The following RBPJ variants were observed in gnomAD, a reference collection of about 807,000 sequenced individuals.
RBPJ encodes the protein recombination signal binding protein for immunoglobulin kappa J region, also known as recombining binding protein suppressor of hairless.
Under a neutral mutation model 67.8 loss-of-function variants are expected in RBPJ, and 9 were observed. That is an observed-to-expected ratio of 0.13 (90% CI 0.08 to 0.23). The LOEUF (loss-of-function observed/expected upper bound fraction) is 0.23, where lower values mean the gene tolerates loss of function less well. Ranked by LOEUF, RBPJ falls within the 10% of genes least tolerant of loss-of-function variation. The pLI is 1.00. For missense variants in RBPJ, 305 were observed against 595.6 expected (o/e 0.51, Z 5.08); for synonymous variants, 198 against 203.3 (o/e 0.97, Z 0.22).
chr4:26,373,831 T>C lies in RBPJ; in HGVS notation c.21-12522T>C, dbSNP rs578092444. Among the ~76,000 whole-genome samples the C allele has an allele frequency of 4.6e-5, 7 of 152,216 alleles. No individual in the cohort carries two copies. The South Asian group carries it at 1.0e-3, about 23-fold the overall frequency. ...ATGTGCACACACAAGTGTCTTTATG[T>C]GTGTATGTATGTAGTCAAGGTGTGG... On this transcript the variant is annotated intron_variant, in intron 1 of 10. Transcript: ENST00000355476.
At chr4:26,363,312 G>A (rs575400903) in intron 1 of RBPJ, among the ~76,000 whole-genome samples, 2 of 152,168 alleles carry the variant, frequency 1.3e-5, no homozygotes, top group African/African-American at 4.8e-5. Context: ...GCTAGTTTTC[G>A]TATTTTTAGT....
intron 1 of RBPJ, among the ~76,000 whole-genome samples, chr4:26,230,369 A>G (rs1329801110): frequency 6.6e-6 from 1 of 152,220 alleles, no homozygotes; most frequent in East Asian, 1.9e-4. Context: ...TAACGATAAC[A>G]TCTAACTCTT....
the RBPJ span, among the ~76,000 whole-genome samples, chr4:26,153,042 A>G: frequency 6.6e-6 from 1 of 152,218 alleles, no homozygotes; most frequent in Non-Finnish European, 1.5e-5. Context: ...ACAGGAAATT[A>G]TTTTATGTTT....
intron 1 of RBPJ, among the ~76,000 whole-genome samples, chr4:26,344,020 G>A (rs1018249119): frequency 9.2e-5 from 14 of 151,714 alleles, no homozygotes; most frequent in African/African-American, 3.4e-4. Context: ...CAAAGTGCTG[G>A]GATTACAGGC....
chr4:26,305,280 C>G (rs1315823205), intron 1 of RBPJ, among the ~76,000 whole-genome samples: 1 of 152,154 alleles, frequency 6.6e-6, no homozygotes, highest in Non-Finnish European at 1.5e-5. Context: ...AGTCCTCCAA[C>G]TCTGTTCTTC....
chr4:26,321,065 C>T lies in RBPJ; in HGVS notation c.20+17C>T, dbSNP rs763883291. 5.0e-6 allele frequency: 8 copies of T among 1,585,322 alleles called. No homozygotes were observed. In the East Asian group the frequency reaches 9.1e-5, roughly 18 times the overall value. On this transcript the variant is annotated intron_variant, in intron 1 of 10. Coordinates refer to ENST00000355476, the MANE Select transcript of RBPJ (RefSeq NM_015874.6). Reference sequence around the variant, plus strand: ...TGTGACAGGGTAAGTCTGAGGGAATCGGAGCGCCGGGAACCGGGAAAGTTG... The same window carrying T: ...TGTGACAGGGTAAGTCTGAGGGAATTGGAGCGCCGGGAACCGGGAAAGTTG...
the RBPJ span, among the ~76,000 whole-genome samples, chr4:26,132,312 G>A: frequency 6.6e-6 from 1 of 152,194 alleles, no homozygotes; most frequent in Admixed American, 6.5e-5. Flanking sequence ...CCCACTTTAA[G>A]AAACTCAGTA....
At chr4:26,319,796 C>G, upstream of RBPJ, 1 of 1,371,646 alleles carries the variant, frequency 7.3e-7, no homozygotes, top group Admixed American at 1.7e-5. Context: ...TTCCAGTTCT[C>G]CGGGTTTTGG....
intron 1 of RBPJ, among the ~76,000 whole-genome samples, chr4:26,355,816 C>T (rs1727318011): frequency 6.6e-6 from 1 of 152,200 alleles, no homozygotes; most frequent in South Asian, 2.1e-4. Context: ...AACACCATAG[C>T]TCATGTAACA....
chr4:26,251,265 T>C (rs1720099256), intron 1 of RBPJ, among the ~76,000 whole-genome samples: 1 of 152,174 alleles, frequency 6.6e-6, no homozygotes, highest in African/African-American at 2.4e-5. Context: ...TGACATCATG[T>C]GCACCATGGA....
intron 4 of RBPJ, among the ~76,000 whole-genome samples, chr4:26,416,046 G>C (rs79533922): frequency 1.3e-5 from 2 of 152,056 alleles, no homozygotes; most frequent in East Asian, 1.9e-4. Flanking sequence ...TATATACATT[G>C]TGGAAAGCAT....
chr4:26,144,468 C>T, the RBPJ span, among the ~76,000 whole-genome samples: 12 of 151,862 alleles, frequency 7.9e-5, no homozygotes, highest in African/African-American at 2.9e-4. Context: ...TGGGTTTTCG[C>T]CTTGTTGGCC....
chr4:26,243,226 G>A (rs1324007905), intron 1 of RBPJ, among the ~76,000 whole-genome samples: 10 of 151,946 alleles, frequency 6.6e-5, no homozygotes, highest in African/African-American at 2.2e-4. Flanking sequence ...AAAAAACTCC[G>A]TCTCAAAAAA....
intron 1 of RBPJ, among the ~76,000 whole-genome samples, chr4:26,182,327 G>A (rs918309446): frequency 1.3e-5 from 2 of 151,770 alleles, no homozygotes; most frequent in Admixed American, 6.6e-5. Context: ...GGGCAAAAGA[G>A]CAAGACTCCG....
chr4:26,255,662 C>T (rs1366661725), intron 1 of RBPJ, among the ~76,000 whole-genome samples: 7 of 151,128 alleles, frequency 4.6e-5, no homozygotes, highest in African/African-American at 1.5e-4. Context: ...ATTAGCCAGG[C>T]GTGGTGGCAG....
the RBPJ span, among the ~76,000 whole-genome samples, chr4:26,145,841 A>G: frequency 3.9e-5 from 6 of 152,260 alleles, no homozygotes; most frequent in African/African-American, 1.4e-4. Context: ...TTAAAGAGAC[A>G]AATGATACCA....
At chr4:26,255,329 A>G (rs192742198) in intron 1 of RBPJ, among the ~76,000 whole-genome samples, 27,706 of 107,794 alleles carry the variant, frequency 0.26, 3,592 homozygotes, top group African/African-American at 0.34. Context: ...GCGTGAACCC[A>G]GGAGGCGGAG....
chr4:26,426,744 A>AT (rs1445752391), intron 7 of RBPJ, among the ~76,000 whole-genome samples: 3 of 152,162 alleles, frequency 2.0e-5, no homozygotes, highest in African/African-American at 7.2e-5. Flanking sequence ...AGAACCGGTA[A>AT]TTGAGTGAGG....
At chr4:26,287,869 C>A (rs548049438) in intron 1 of RBPJ, among the ~76,000 whole-genome samples, 10 of 152,054 alleles carry the variant, frequency 6.6e-5, no homozygotes, top group African/African-American at 2.4e-4. Flanking sequence ...AGGGAAGGGT[C>A]TAGGCCTAAT....
Sources: gnomAD v4.1 joint callset for allele counts (sites outside exome capture counted in the v4.1 genomes callset) on GRCh38, gnomAD v4.1.1 for gene constraint, MANE v1.5 for transcripts, NCBI Gene and HGNC (gene_info 2026-07-23, HGNC 2026-07-21) for gene names.